The following SGPP2 variants were observed in gnomAD, a reference collection of about 807,000 sequenced individuals.
SGPP2 encodes the protein sphingosine-1-phosphate phosphatase 2.
A neutral mutation model predicts 33.9 loss-of-function variants in SGPP2; 30 were observed. The ratio of observed to expected loss-of-function variants is 0.89; its 90% CI spans 0.66 to 1.20. The LOEUF (loss-of-function observed/expected upper bound fraction) is 1.20, where lower values mean the gene tolerates loss of function less well. Ranked by LOEUF, SGPP2 falls within the 50% of genes most tolerant of loss-of-function variation. The pLI, the probability that SGPP2 is intolerant of heterozygous loss-of-function variation, is 0.00. For missense variants in SGPP2, 458 were observed against 532.1 expected (o/e 0.86, Z 1.37); for synonymous variants, 233 against 225.0 (o/e 1.04, Z -0.32).
rs1412264634 is a variant in SGPP2, at chr2:222,528,245, A to G, written c.648+3212A>G. On this transcript the variant is annotated intron_variant, in intron 4 of 4. Transcript: ENST00000321276. ...AAGGTGAGCCCAAGTGTTCACTGAC[A>G]GATGAATGGATGAACATAGTGTGAC... is the stretch of plus-strand genomic sequence containing the variant. Among the ~76,000 whole-genome samples, 4 of 152,246 alleles carry G rather than the reference A, an allele frequency of 2.6e-5. No homozygotes were observed. In the East Asian group the frequency reaches 5.8e-4, roughly 22 times the overall value.
At chr2:222,442,222 T>C (rs945144664) in intron 1 of SGPP2, among the ~76,000 whole-genome samples, 9 of 152,214 alleles carry the variant, frequency 5.9e-5, no homozygotes, top group African/African-American at 2.2e-4. Flanking sequence ...GTATCTTCTG[T>C]TGTTTCTTTA....
intron 4 of SGPP2, among the ~76,000 whole-genome samples, chr2:222,551,527 A>C (rs1314507608): frequency 6.6e-6 from 1 of 152,194 alleles, no homozygotes; most frequent in Non-Finnish European, 1.5e-5. Context: ...GTTTGGAATA[A>C]TTTTATTATA....
chr2:222,439,532 C>CA (rs373869956), intron 1 of SGPP2, among the ~76,000 whole-genome samples: 246 of 149,262 alleles, frequency 1.6e-3, no homozygotes, highest in Middle Eastern at 6.8e-3. Flanking sequence ...ACTCCATCTC[C>CA]AAAAAAAAAG....
Position 222,521,923 on chromosome 2 carries a change from A to G in SGPP2, c.535A>G (p.Ile179Val). Residue 179 changes from isoleucine (I) to valine (V), a missense_variant, in exon 3 of 5, where the codon ATC (isoleucine) becomes GTC (valine). Physicochemically the swap from Ile to Val is conservative, Grantham distance 29 (BLOSUM62 3). Coordinates refer to ENST00000321276, the MANE Select transcript of SGPP2 (RefSeq NM_152386.4). ...CACTGCCATTGCCTTCACCCTCCTTATCTCTACTATGGACAGATACCAGGT... is the reference window on the plus strand; with the variant it reads ...CACTGCCATTGCCTTCACCCTCCTTGTCTCTACTATGGACAGATACCAGGT... ...AATAIAFTLL[I>V]STMDRYQYPF... 6.3e-7 allele frequency: 1 copy of G among 1,598,294 alleles called. No homozygotes were observed. Among genetic ancestry groups the G allele is most frequent in the Non-Finnish European group, 8.5e-7 (1 of 1,173,842 alleles).
intron 4 of SGPP2, among the ~76,000 whole-genome samples, chr2:222,554,888 CTT>C (rs1689361067): frequency 6.6e-6 from 1 of 152,094 alleles, no homozygotes; most frequent in African/African-American, 2.4e-5. Context: ...GTAAAATTGA[CTT>C]TGTTTGGCAT....
Position 222,514,941 on chromosome 2 carries a change from C to A in SGPP2, c.379-6826C>A, listed in dbSNP as rs183146944. ...CTCTGAGTCCATATTCCATCCATTT[C>A]TTTCTCCTCTCTTCCATATGTAATT... is the stretch of plus-strand genomic sequence containing the variant. On this transcript the variant is annotated intron_variant, in intron 2 of 4. Transcript: ENST00000321276. Among the ~76,000 whole-genome samples the A allele has an allele frequency of 5.3e-5, 8 of 151,884 alleles. No homozygotes were observed. In the East Asian group the frequency reaches 1.6e-3, roughly 30 times the overall value.
chr2:222,517,582 C>T (rs534033900), intron 2 of SGPP2, among the ~76,000 whole-genome samples: 1 of 152,306 alleles, frequency 6.6e-6, no homozygotes, highest in African/African-American at 2.4e-5. Context: ...GGACAAGAAC[C>T]CAGGTGCCAA....
intron 4 of SGPP2, among the ~76,000 whole-genome samples, chr2:222,547,584 T>C (rs1050425762): frequency 1.3e-5 from 2 of 152,202 alleles, no homozygotes; most frequent in African/African-American, 4.8e-5. Context: ...TTAATATTGA[T>C]ATTATACAAA....
intron 2 of SGPP2, among the ~76,000 whole-genome samples, chr2:222,513,845 G>A (rs1348972960): frequency 2.0e-5 from 3 of 152,130 alleles, no homozygotes; most frequent in African/African-American, 7.2e-5. Flanking sequence ...CAGAATGAGT[G>A]TGGCCTGGCA....
intron 1 of SGPP2, among the ~76,000 whole-genome samples, chr2:222,464,958 C>G (rs1052402844): frequency 1.3e-5 from 2 of 152,188 alleles, no homozygotes; most frequent in Non-Finnish European, 2.9e-5. Flanking sequence ...ATTAGATGTT[C>G]AGAGGATGAG....
chr2:222,450,163 C>T lies in SGPP2; in HGVS notation c.220-24405C>T, dbSNP rs1038623181. ...TCAAACATTTCTGCCTCCTCTGAGA[C>T]GAAGAAAGCACTCACTAACTGTTCC... On this transcript the variant is annotated intron_variant, in intron 1 of 4. Coordinates refer to ENST00000321276, the MANE Select transcript of SGPP2 (RefSeq NM_152386.4). 5.9e-5 allele frequency among the ~76,000 whole-genome samples: 9 copies of T among 152,178 alleles called. No individual in the cohort carries two copies. The South Asian group carries it at 1.0e-3, about 17-fold the overall frequency.
chr2:222,534,706 T>C (rs1256151618), intron 4 of SGPP2, among the ~76,000 whole-genome samples: 22 of 152,226 alleles, frequency 1.4e-4, no homozygotes, highest in Admixed American at 1.4e-3. Flanking sequence ...CCCTGTTGGA[T>C]GAGTTACTGA....
At chr2:222,492,397 A>T (rs1340471862) in intron 2 of SGPP2, among the ~76,000 whole-genome samples, 1 of 152,260 alleles carries the variant, frequency 6.6e-6, no homozygotes, top group African/African-American at 2.4e-5. Flanking sequence ...GCCCAACACC[A>T]TGTGGAAGCC....
intron 1 of SGPP2, among the ~76,000 whole-genome samples, chr2:222,445,644 A>G (rs1697387458): frequency 6.6e-6 from 1 of 152,100 alleles, no homozygotes; most frequent in African/African-American, 2.4e-5. Context: ...GGAGAGGCTC[A>G]GAATCACTTT....
chr2:222,544,622 G>C (rs1689144733), intron 4 of SGPP2, among the ~76,000 whole-genome samples: 1 of 152,036 alleles, frequency 6.6e-6, no homozygotes, highest in Non-Finnish European at 1.5e-5. Flanking sequence ...AGGGAATCAT[G>C]ACAAGAAAAA....
chr2:222,477,189 GTATA>G lies in SGPP2; in HGVS notation c.378+2467_378+2470del, dbSNP rs747250346. On this transcript the variant is annotated intron_variant, in intron 2 of 4. Coordinates refer to ENST00000321276, the MANE Select transcript of SGPP2 (RefSeq NM_152386.4). This position sits in a 1 kb window ranked among gnomAD's most constrained non-coding sequence, Gnocchi z 6.0. ...TAGGTGTGTGTATATGTGTATGTGT[GTATA>G]TATGTGTGTGCATAGGTGCATATAT... 6.6e-6 allele frequency among the ~76,000 whole-genome samples: 1 copy of G among 151,552 alleles called. No homozygotes were observed. Among genetic ancestry groups the G allele is most frequent in the East Asian group, 1.9e-4 (1 of 5,162 alleles).
At chr2:222,453,651 TAAC>T (rs1697527059) in intron 1 of SGPP2, among the ~76,000 whole-genome samples, 1 of 152,224 alleles carries the variant, frequency 6.6e-6, no homozygotes, top group African/African-American at 2.4e-5. Context: ...ATTTGCTTAA[TAAC>T]ATTTTCTTTT....
At chr2:222,551,547 G>C (rs990715056) in intron 4 of SGPP2, among the ~76,000 whole-genome samples, 1 of 151,980 alleles carries the variant, frequency 6.6e-6, no homozygotes, top group African/African-American at 2.4e-5. Flanking sequence ...AAGAAATTTA[G>C]AGACTTATAT....
chr2:222,524,846 C>T (rs996931662), intron 3 of SGPP2, 98 bp from the exon 4 acceptor site: 30 of 932,772 alleles, frequency 3.2e-5, no homozygotes, highest in Middle Eastern at 2.4e-4. Context: ...TTTGGACTAG[C>T]AATTCTTGCA....
Sources: allele counts gnomAD v4.1 joint callset (sites outside exome capture counted in the v4.1 genomes callset), GRCh38; gene constraint gnomAD v4.1.1; non-coding constraint Gnocchi (gnomAD v3.1); transcripts MANE v1.5; gene names NCBI Gene and HGNC (gene_info 2026-07-23, HGNC 2026-07-21).